TAS2R1: variants seen among roughly 807,000 people sequenced by gnomAD.
TAS2R1 encodes taste 2 receptor member 1, also known as taste receptor type 2 member 1.
For synonymous variants in TAS2R1, 141 were observed against 134.2 expected (o/e 1.05, Z -0.35); for missense variants, 370 against 353.4 (o/e 1.05, Z -0.38).
At chr5:9,750,934 C>T in the TAS2R1 span, among the ~76,000 whole-genome samples, 1 of 151,782 alleles carries the variant, frequency 6.6e-6, no homozygotes, top group Non-Finnish European at 1.5e-5. Flanking sequence ...TCAGGAGAGG[C>T]AGAGATACCA....
the TAS2R1 span, among the ~76,000 whole-genome samples, chr5:9,760,739 T>C: frequency 2.0e-5 from 3 of 152,332 alleles, no homozygotes; most frequent in East Asian, 5.8e-4. Flanking sequence ...AACATCATAC[T>C]TACTTGTGAG....
the TAS2R1 span, among the ~76,000 whole-genome samples, chr5:9,832,537 T>C: frequency 2.0e-3 from 304 of 152,340 alleles, 1 homozygote; most frequent in African/African-American, 7.0e-3. Context: ...CCCCTGTCGA[T>C]AGGAATCCCT....
chr5:9,736,970 C>T, the TAS2R1 span, among the ~76,000 whole-genome samples: 2 of 152,172 alleles, frequency 1.3e-5, no homozygotes, highest in African/African-American at 4.8e-5. Context: ...ACATTTGGCA[C>T]TTTATTTAAC....
At chr5:9,752,507 T>C in the TAS2R1 span, among the ~76,000 whole-genome samples, 1 of 152,272 alleles carries the variant, frequency 6.6e-6, no homozygotes, top group Non-Finnish European at 1.5e-5. Flanking sequence ...CACATTGTTT[T>C]TATGCATGAA....
the TAS2R1 span, among the ~76,000 whole-genome samples, chr5:9,726,225 A>G: frequency 1.3e-5 from 2 of 152,142 alleles, no homozygotes; most frequent in African/African-American, 4.8e-5. Context: ...GACACTCTGT[A>G]TCTAGCTACT....
the TAS2R1 span, among the ~76,000 whole-genome samples, chr5:9,893,208 C>CTT: frequency 6.5e-4 from 90 of 138,238 alleles, no homozygotes; most frequent in Middle Eastern, 3.7e-3. Context: ...GTTGCCCCAG[C>CTT]TTTTTTTTTT....
At chr5:9,757,797 G>C in the TAS2R1 span, among the ~76,000 whole-genome samples, 38 of 152,178 alleles carry the variant, frequency 2.5e-4, no homozygotes, top group Non-Finnish European at 4.4e-4. Flanking sequence ...TTAGAAAAAT[G>C]ATTCAATTTA....
At chr5:9,820,639 G>C in the TAS2R1 span, among the ~76,000 whole-genome samples, 1 of 152,162 alleles carries the variant, frequency 6.6e-6, no homozygotes, top group Non-Finnish European at 1.5e-5. Context: ...AGACAAGCCA[G>C]TTCCTCCATC....
chr5:9,639,503 TTTCA>T (rs1740031162), intron 2 of TAS2R1, among the ~76,000 whole-genome samples: 1 of 152,216 alleles, frequency 6.6e-6, no homozygotes, highest in Admixed American at 6.5e-5. Flanking sequence ...CACGCCACTC[TTTCA>T]AAGGATCTGT....
At chr5:9,690,243 C>A (rs1200261867) in intron 1 of TAS2R1, among the ~76,000 whole-genome samples, 1 of 152,070 alleles carries the variant, frequency 6.6e-6, no homozygotes, top group Non-Finnish European at 1.5e-5. Context: ...AAATATTGAC[C>A]AAGACTTATC....
chr5:9,636,017 G>A (rs190054021), intron 2 of TAS2R1, among the ~76,000 whole-genome samples: 101 of 151,906 alleles, frequency 6.6e-4, no homozygotes, highest in Admixed American at 1.2e-3. Context: ...GTTCCTTGAG[G>A]TATGACCTTA....
the TAS2R1 span, among the ~76,000 whole-genome samples, chr5:9,761,795 T>C: frequency 1.3e-5 from 2 of 152,208 alleles, no homozygotes; most frequent in African/African-American, 4.8e-5. Flanking sequence ...TAAAACCTGG[T>C]AAAAATGCTC....
At chr5:9,702,519 AG>A (rs1383744569) in intron 1 of TAS2R1, among the ~76,000 whole-genome samples, 1 of 152,174 alleles carries the variant, frequency 6.6e-6, no homozygotes, top group African/African-American at 2.4e-5. Flanking sequence ...GAAAATAAAA[AG>A]AAAGTCATAG....
chr5:9,750,993 AG>A, the TAS2R1 span, among the ~76,000 whole-genome samples: 1 of 151,964 alleles, frequency 6.6e-6, no homozygotes, highest in South Asian at 2.1e-4. Flanking sequence ...AACCAGAGGT[AG>A]GTGTAATACT....
the TAS2R1 span, among the ~76,000 whole-genome samples, chr5:9,776,180 C>A: frequency 1.3e-5 from 2 of 152,198 alleles, no homozygotes; most frequent in Non-Finnish European, 2.9e-5. Flanking sequence ...TCTGTGGACA[C>A]AGGCTGAGTT....
At chr5:9,735,876 T>A in the TAS2R1 span, among the ~76,000 whole-genome samples, 6 of 152,218 alleles carry the variant, frequency 3.9e-5, no homozygotes, top group Non-Finnish European at 7.3e-5. Flanking sequence ...ATAACAATCA[T>A]CTTTCCCTCT....
intron 2 of TAS2R1, among the ~76,000 whole-genome samples, chr5:9,636,699 T>C (rs1739970714): frequency 6.6e-6 from 1 of 152,154 alleles, no homozygotes; most frequent in Non-Finnish European, 1.5e-5. Context: ...GTCTCTTTTT[T>C]ACTGTTATTG....
At chr5:9,865,641 T>C in the TAS2R1 span, among the ~76,000 whole-genome samples, 2 of 152,236 alleles carry the variant, frequency 1.3e-5, no homozygotes, top group Non-Finnish European at 2.9e-5. Context: ...ATTTCCACTT[T>C]GCTTTTGAAG....
At chr5:9,754,203 A>G in the TAS2R1 span, among the ~76,000 whole-genome samples, 1 of 152,230 alleles carries the variant, frequency 6.6e-6, no homozygotes, top group African/African-American at 2.4e-5. Context: ...GACAAAATTC[A>G]ACAACCCTTC....
Sources: gnomAD v4.1 joint callset for allele counts (sites outside exome capture counted in the v4.1 genomes callset) on GRCh38, gnomAD v4.1.1 for gene constraint, MANE v1.5 for transcripts, NCBI Gene and HGNC (gene_info 2026-07-23, HGNC 2026-07-21) for gene names.